ANKRD36C: variants seen among roughly 807,000 people sequenced by gnomAD.
The protein encoded by ANKRD36C is ankyrin repeat domain-containing protein 36C.
A neutral mutation model predicts 276.4 loss-of-function variants in ANKRD36C; 61 were observed. The observed-to-expected ratio is 0.22, with a 90% CI of 0.18 to 0.27. ANKRD36C has a LOEUF of 0.27. Ranked by LOEUF, ANKRD36C falls within the 10% of genes least tolerant of loss-of-function variation. The pLI, the probability that ANKRD36C is intolerant of heterozygous loss-of-function variation, is 1.00. For synonymous variants in ANKRD36C, 483 were observed against 680.1 expected, an observed-to-expected ratio of 0.71 and a Z score of 4.51; for missense variants, 1,447 against 2,032.3, an observed-to-expected ratio of 0.71 and a Z score of 5.54.
At chr2:95,888,612 C>T (rs973250534) in intron 48 of ANKRD36C, among the ~76,000 whole-genome samples, 4 of 151,690 alleles carry the variant, frequency 2.6e-5, no homozygotes, top group African/African-American at 2.4e-5. Flanking sequence ...GTACACTTTA[C>T]GTCTCTTCAG....
At position 95,902,692 on chromosome 2, in the gene ANKRD36C, T is replaced by C. The variant is rs977063298; in HGVS notation, c.2654-3356A>G. 1.3e-5 allele frequency among the ~76,000 whole-genome samples: 2 copies of C among 150,368 alleles called. 1 individual carries two copies. Among genetic ancestry groups the C allele is most frequent in the Non-Finnish European group, 3.0e-5 (2 of 67,274 alleles). On this transcript the variant is annotated intron_variant, in intron 42 of 66. Transcript: ENST00000456556. ...TTCCCAATTTCAATATGGGGAAGTG[T>C]ATAATCTTACTGCGAAGATCATGTT... is the stretch of plus-strand genomic sequence containing the variant.
At chr2:95,872,367 C>A (rs1436778398) in intron 59 of ANKRD36C, among the ~76,000 whole-genome samples, 4 of 149,696 alleles carry the variant, frequency 2.7e-5, no homozygotes, top group African/African-American at 9.8e-5. Flanking sequence ...GAAACTCACT[C>A]AAAACCGCTC....
At chr2:95,958,477 G>A in intron 12 of ANKRD36C, 114 bp downstream of exon 12, 4 of 1,356,690 alleles carry the variant, frequency 2.9e-6, no homozygotes, top group Non-Finnish European at 3.0e-6. Flanking sequence ...AGAATCTCAG[G>A]CCCGCTGAAT....
rs1307180402 is a variant in ANKRD36C, at chr2:95,893,515, A to T, written c.2756-1655T>A. 6.5e-7 allele frequency: 1 copy of T among 1,539,856 alleles called. No homozygotes were observed. On this transcript the variant is annotated intron_variant, in intron 44 of 66. Coordinates refer to ENST00000456556, the Ensembl canonical transcript of ANKRD36C. ...CTATCTGGACTGAACATGACATTAAATCTGTTTTCAAAATTACCTGTTCTA... is the reference window on the plus strand; with the variant it reads ...CTATCTGGACTGAACATGACATTAATTCTGTTTTCAAAATTACCTGTTCTA...
At chr2:95,857,959 C>G (rs1675459349) in intron 61 of ANKRD36C, among the ~76,000 whole-genome samples, 1 of 151,886 alleles carries the variant, frequency 6.6e-6, no homozygotes, top group Admixed American at 6.6e-5. Context: ...TTATCTTAAC[C>G]TGAACATTTC....
At chr2:95,851,232 C>A (rs1675285625) in intron 66 of ANKRD36C, 37 bp from the exon 87 acceptor site, 14 of 1,403,868 alleles carry the variant, frequency 1.0e-5, no homozygotes, top group Non-Finnish European at 1.2e-5. Flanking sequence ...ATGTTTCAGT[C>A]AAACAAGAGA....
chr2:95,873,102 A>G (rs924951512), intron 59 of ANKRD36C, among the ~76,000 whole-genome samples: 4 of 152,176 alleles, frequency 2.6e-5, no homozygotes, highest in Non-Finnish European at 5.9e-5. Flanking sequence ...GGAGGAAGTG[A>G]TACCCTTCCT....
intron 60 of ANKRD36C, among the ~76,000 whole-genome samples, chr2:95,860,406 A>G (rs1573722989): frequency 6.6e-6 from 1 of 152,276 alleles, no homozygotes; most frequent in Middle Eastern, 3.4e-3. Context: ...TGAGGAAGAG[A>G]TGCTACACTG....
intron 42 of ANKRD36C, among the ~76,000 whole-genome samples, chr2:95,909,734 T>G (rs1255134446): frequency 6.6e-6 from 1 of 150,862 alleles, no homozygotes; most frequent in Non-Finnish European, 1.5e-5. Context: ...AATGAGTCAG[T>G]GTGTTTTTAT....
At chr2:95,988,546 T>A (rs1391650453) in intron 1 of ANKRD36C, among the ~76,000 whole-genome samples, 2 of 152,188 alleles carry the variant, frequency 1.3e-5, no homozygotes, top group African/African-American at 2.4e-5. Context: ...GTCTGCTACA[T>A]AATAGGTATT....
intron 34 of ANKRD36C, 105 bp from the exon 35 acceptor site, chr2:95,920,025 G>A: frequency 6.2e-6 from 8 of 1,297,476 alleles, no homozygotes; most frequent in Non-Finnish European, 8.3e-6. Context: ...GCCTGTACTA[G>A]TGTAGGCTCT....
At chr2:95,861,752 C>T (rs1675589923) in intron 60 of ANKRD36C, among the ~76,000 whole-genome samples, 1 of 152,056 alleles carries the variant, frequency 6.6e-6, no homozygotes, top group African/African-American at 2.4e-5. Context: ...TCAATAATCA[C>T]ATTATAAATG....
chr2:95,991,548 G>T (rs760466001), exon 1 of ANKRD36C: 2 of 1,612,152 alleles, frequency 1.2e-6, no homozygotes, highest in Non-Finnish European at 1.7e-6. Flanking sequence ...GTCATAACGC[G>T]TGAGCAGAAC....
chr2:95,927,965 A>G (rs1222889188), intron 26 of ANKRD36C, among the ~76,000 whole-genome samples: 1 of 151,584 alleles, frequency 6.6e-6, no homozygotes, highest in Non-Finnish European at 1.5e-5. Flanking sequence ...AGATAATATT[A>G]TTTCTCACAC....
At chr2:95,872,214 AT>A (rs1398870843) in intron 59 of ANKRD36C, among the ~76,000 whole-genome samples, 1 of 142,416 alleles carries the variant, frequency 7.0e-6, no homozygotes, top group African/African-American at 2.6e-5. Context: ...CAGAATATAC[AT>A]TTTTTTCAGC....
In ANKRD36C at chr2:95,975,896, T is replaced by C. The variant is rs550247941; in HGVS notation, c.799+2226A>G. Among the ~76,000 whole-genome samples, 468 of 152,070 alleles carry C rather than the reference T, an allele frequency of 3.1e-3. 1 individual carries two copies. Among genetic ancestry groups the C allele is most frequent in the African/African-American group, 0.01 (428 of 41,452 alleles). On this transcript the variant is annotated intron_variant, in intron 6 of 66. Transcript: ENST00000456556. ...TTACTCATCTGACAAAGGGCTAATA[T>C]CCAGAATCTACAATGAACTCAAACA... is the stretch of plus-strand genomic sequence containing the variant.
At chr2:95,851,289 G>A in intron 66 of ANKRD36C, 94 bp from the exon 87 acceptor site, 1 of 862,526 alleles carries the variant, frequency 1.2e-6, no homozygotes. Flanking sequence ...CTGTACTGTA[G>A]ATTGATCATC....
intron 44 of ANKRD36C, among the ~76,000 whole-genome samples, chr2:95,892,177 A>T (rs1676387370): frequency 6.6e-6 from 1 of 151,564 alleles, no homozygotes; most frequent in South Asian, 2.1e-4. Context: ...CAGAGGAGCA[A>T]CTCATACACG....
intron 3 of ANKRD36C, 50 bp from the exon 4 acceptor site, chr2:95,982,412 A>T: frequency 1.4e-6 from 2 of 1,436,006 alleles, no homozygotes; most frequent in Non-Finnish European, 1.9e-6. Context: ...ATATTTATCA[A>T]CTGAAATGAA....
Sources: allele counts gnomAD v4.1 joint callset (sites outside exome capture counted in the v4.1 genomes callset), GRCh38; gene constraint gnomAD v4.1.1; transcripts MANE v1.5; gene names NCBI Gene and HGNC (gene_info 2026-07-23, HGNC 2026-07-21).